GRIP2: variants seen among roughly 807,000 people sequenced by gnomAD.
GRIP2 encodes the protein glutamate receptor-interacting protein 2.
In GRIP2, 58 loss-of-function variants were observed where a neutral mutation model predicts 108.3. The observed-to-expected ratio is 0.54, with a 90% CI of 0.43 to 0.67. The LOEUF is 0.67. Ranked by LOEUF, GRIP2 falls within the 30% of genes least tolerant of loss-of-function variation. GRIP2 has a pLI of 0.00. For synonymous variants in GRIP2, 586 were observed against 598.2 expected (o/e 0.98, Z 0.30); for missense variants, 1,278 against 1,430.6 (o/e 0.89, Z 1.72).
chr3:14,543,393 A>T (rs1695008865), upstream of GRIP2, among the ~76,000 whole-genome samples: 1 of 152,256 alleles, frequency 6.6e-6, no homozygotes, highest in South Asian at 2.1e-4. Flanking sequence ...AGAGCTAAGG[A>T]TAGCTGTAGT....
Position 14,494,920 on chromosome 3 carries a change from C to A in GRIP2, c.2893G>T (p.Gly965Cys), listed in dbSNP as rs771142759. The A allele has an allele frequency of 2.2e-5, 35 of 1,613,796 alleles. No homozygotes were observed. In the East Asian group the frequency reaches 6.7e-4, roughly 31 times the overall value. Residue 965 changes from glycine to cysteine, a missense_variant, in exon 23 of 24, where the codon GGT becomes TGT. Coordinates refer to ENST00000621039, the MANE Select transcript of GRIP2 (RefSeq NM_001080423.4). ...GGGCGCACAGTGTGGACATAGACAC[C>A]TTTTTCCAGGAGGCCATCTGAGACG... ...FSVSDGLLEKGVYVHTVRPDG... is the reference protein window; with the variant it reads ...FSVSDGLLEKCVYVHTVRPDG...
At chr3:14,590,256 C>T in the GRIP2 span, among the ~76,000 whole-genome samples, 33,572 of 152,132 alleles carry the variant, frequency 0.22, 4,326 homozygotes, top group Middle Eastern at 0.31. Flanking sequence ...CCTGCTCAGG[C>T]CTGTTCCCAG....
intron 10 of GRIP2, 103 bp from the exon 11 acceptor site, chr3:14,517,316 T>A: frequency 1.0e-5 from 12 of 1,194,198 alleles, no homozygotes; most frequent in African/African-American, 1.6e-5. Context: ...GAGATGGGGA[T>A]GCCTTCCCCC....
the GRIP2 span, among the ~76,000 whole-genome samples, chr3:14,596,890 G>A: frequency 2.6e-5 from 4 of 152,140 alleles, no homozygotes; most frequent in East Asian, 3.9e-4. Flanking sequence ...ACAGGCACAC[G>A]CCACCATACT....
At chr3:14,528,053 T>C (rs2090700) in intron 1 of GRIP2, among the ~76,000 whole-genome samples, 59,883 of 152,104 alleles carry the variant, frequency 0.39, 12,913 homozygotes, top group South Asian at 0.6. Context: ...CTTGATGTTC[T>C]ACTGTAGTCA....
chr3:14,589,678 C>T, the GRIP2 span, among the ~76,000 whole-genome samples: 1 of 151,948 alleles, frequency 6.6e-6, no homozygotes, highest in African/African-American at 2.4e-5. Flanking sequence ...CTTGCCATAT[C>T]GACAGGTAAC....
chr3:14,535,854 G>T (rs1031637842), intron 1 of GRIP2, among the ~76,000 whole-genome samples: 5 of 152,200 alleles, frequency 3.3e-5, no homozygotes, highest in African/African-American at 1.2e-4. Context: ...CAGCCCCGGG[G>T]CTGTTCGGCT....
At chr3:14,495,951 G>C (rs528006577) in intron 22 of GRIP2, among the ~76,000 whole-genome samples, 3 of 152,192 alleles carry the variant, frequency 2.0e-5, no homozygotes, top group Non-Finnish European at 4.4e-5. Context: ...TTTGAGACCA[G>C]CCTGGGCAAC....
At chr3:14,503,876 TA>T in intron 20 of GRIP2, 4 of 580,220 alleles carry the variant, frequency 6.9e-6, no homozygotes, top group South Asian at 6.1e-5. Flanking sequence ...AAGACGCAGT[TA>T]GGGGCGACCA....
Position 14,489,349 on chromosome 3 carries a change from A to G in GRIP2, c.*4316T>C, listed in dbSNP as rs1412355883. 6.6e-6 allele frequency: 1 copy of G among 152,552 alleles called. No homozygotes were observed. Among genetic ancestry groups the G allele is most frequent in the Non-Finnish European group, 1.5e-5 (1 of 68,010 alleles). The allele number at this position is 152,552 out of a possible 1,614,324, so 9.4% of individuals were successfully genotyped here. ...ATAAACATTTCCTTTTTAACATCCA[A>G]CATGTGTGGGTTGTGTTCTGGTGAG... On this transcript the variant is annotated 3_prime_UTR_variant, in exon 24 of 24. Coordinates refer to ENST00000621039, the MANE Select transcript of GRIP2 (RefSeq NM_001080423.4).
chr3:14,583,778 T>G, the GRIP2 span, among the ~76,000 whole-genome samples: 1 of 152,220 alleles, frequency 6.6e-6, no homozygotes, highest in Non-Finnish European at 1.5e-5. Flanking sequence ...TTATGTGTCA[T>G]GCATATTTAT....
upstream of GRIP2, chr3:14,542,050 A>G: frequency 7.4e-7 from 1 of 1,352,418 alleles, no homozygotes; most frequent in Non-Finnish European, 9.9e-7. Context: ...CCCTCCATCT[A>G]CAGCCTCTTC....
chr3:14,593,612 C>T, the GRIP2 span, among the ~76,000 whole-genome samples: 7 of 152,170 alleles, frequency 4.6e-5, no homozygotes, highest in African/African-American at 7.2e-5. Flanking sequence ...CCATGGTTCA[C>T]GAGGCGCAGG....
At chr3:14,597,371 G>A in the GRIP2 span, among the ~76,000 whole-genome samples, 1 of 152,282 alleles carries the variant, frequency 6.6e-6, no homozygotes, top group South Asian at 2.1e-4. Flanking sequence ...GGCAGAGAAG[G>A]CTCATGCATG....
rs200193892 is a variant in GRIP2 at position 14,514,399 on chromosome 3, G to A, written c.1386C>T (p.Asp462=). 4 of 1,574,664 alleles carry A rather than the reference G, an allele frequency of 2.5e-6. No homozygotes were observed. Among genetic ancestry groups the A allele is most frequent in the South Asian group, 1.2e-5 (1 of 85,438 alleles). ...TETTEVVLCG[D]PLSGFGLQLQ... is the part of the protein sequence containing the mutation. Reference sequence around the variant, plus strand: ...GCTGGAGGCCAAAGCCGCTGAGGGGGTCTCCACAGAGCACGACCTCCGTGG... The same window carrying A: ...GCTGGAGGCCAAAGCCGCTGAGGGGATCTCCACAGAGCACGACCTCCGTGG... Residue 462 remains aspartate, a synonymous_variant, in exon 12 of 24, where the codon GAC becomes GAT. Transcript: ENST00000621039.
chr3:14,510,027 T>G, intron 16 of GRIP2, 63 bp from the exon 17 acceptor site: 1 of 1,326,954 alleles, frequency 7.5e-7, no homozygotes, highest in Non-Finnish European at 9.8e-7. Flanking sequence ...CCTAAAGCCT[T>G]GGCCTCACTC....
chr3:14,555,452 T>G, intron 1 of GRIP2, among the ~76,000 whole-genome samples: 1 of 150,598 alleles, frequency 6.6e-6, no homozygotes, highest in Non-Finnish European at 1.5e-5. Flanking sequence ...ACAGTGACAG[T>G]GCAAGAGGAA....
rs374795024 is a variant in GRIP2, at chr3:14,505,762, C to T, written c.2426G>A (p.Arg809Gln). The stretch of plus-strand genomic sequence containing the variant: ...CCTCCGCTCCTGGGGGGTCGTGCCC[C>T]GGGCTGCTGCCTGTGGTGTATAGGA... ...PGSYTPQAAARGTTPQERRPG... is the reference protein window; with the variant it reads ...PGSYTPQAAAQGTTPQERRPG... The change falls in exon 20 of 24, where the codon CGG becomes CAG. Residue 809 changes from arginine (R) to glutamine (Q), a missense_variant. Transcript: ENST00000621039. The surrounding 1 kb of genome is among the most constrained non-coding windows in gnomAD (Gnocchi z 4.2). 162 of 1,565,840 alleles carry T rather than the reference C, an allele frequency of 1.0e-4. No homozygotes were observed. Among genetic ancestry groups the T allele is most frequent in the Admixed American group, 5.1e-4 (27 of 53,036 alleles).
At chr3:14,550,183 C>T (rs1427356242) in intron 1 of GRIP2, among the ~76,000 whole-genome samples, 3 of 152,224 alleles carry the variant, frequency 2.0e-5, no homozygotes, top group Non-Finnish European at 4.4e-5. Flanking sequence ...GACCAGCCCT[C>T]TCCAGCCTCC....
Sources: allele counts gnomAD v4.1 joint callset (sites outside exome capture counted in the v4.1 genomes callset), GRCh38; gene constraint gnomAD v4.1.1; non-coding constraint Gnocchi (gnomAD v3.1); transcripts MANE v1.5; gene names NCBI Gene and HGNC (gene_info 2026-07-23, HGNC 2026-07-21).